Variants in C12orf42 observed in about 807,000 individuals in gnomAD.
C12orf42 encodes chromosome 12 open reading frame 42.
C12orf42 carries 25 observed loss-of-function variants against 21.6 expected under a neutral mutation model. That is an observed-to-expected ratio of 1.16 (90% CI 0.84 to 1.62). C12orf42 has a LOEUF of 1.62. C12orf42 is among the 40% of genes most tolerant of loss of function. The pLI, the probability that C12orf42 is intolerant of heterozygous loss-of-function variation, is 0.00. For missense variants in C12orf42, 483 were observed against 459.3 expected, an observed-to-expected ratio of 1.05 and a Z score of -0.47; for synonymous variants, 174 against 175.0, an observed-to-expected ratio of 0.99 and a Z score of 0.05.
intron 4 of C12orf42, among the ~76,000 whole-genome samples, chr12:103,326,283 G>C (rs912596703): frequency 1.3e-5 from 2 of 152,136 alleles, no homozygotes; most frequent in Non-Finnish European, 2.9e-5. Context: ...AACAAGATAG[G>C]CTTGTCAAAG....
At chr12:103,478,232 G>A in intron 2 of C12orf42, 117 bp downstream of exon 2, 1 of 643,356 alleles carries the variant, frequency 1.6e-6, no homozygotes, top group African/African-American at 1.9e-5. Flanking sequence ...AAACTAAGAG[G>A]ATTATCTAAA....
intron 4 of C12orf42, among the ~76,000 whole-genome samples, chr12:103,363,452 A>G (rs2044296206): frequency 6.6e-6 from 1 of 152,132 alleles, no homozygotes; most frequent in Admixed American, 6.6e-5. Flanking sequence ...ACCAAGGTAT[A>G]CAGGCAATGA....
chr12:103,232,560 A>C, the C12orf42 span, among the ~76,000 whole-genome samples: 29 of 152,160 alleles, frequency 1.9e-4, no homozygotes, highest in African/African-American at 7.0e-4. Flanking sequence ...AATACAAAAA[A>C]ATTAGCCAGG....
At chr12:103,340,928 A>G (rs1465848882) in intron 4 of C12orf42, among the ~76,000 whole-genome samples, 10 of 152,120 alleles carry the variant, frequency 6.6e-5, no homozygotes, top group Non-Finnish European at 1.2e-4. Context: ...CCTGACTAAC[A>G]TGGTGAAACC....
chr12:103,367,394 G>T (rs1438547538), intron 4 of C12orf42, among the ~76,000 whole-genome samples: 2 of 146,420 alleles, frequency 1.4e-5, no homozygotes, highest in Non-Finnish European at 3.0e-5. Flanking sequence ...CACCACTAAA[G>T]AACTTACTCA....
intron 4 of C12orf42, among the ~76,000 whole-genome samples, chr12:103,296,113 G>A (rs2037262877): frequency 1.3e-5 from 2 of 150,238 alleles, no homozygotes; most frequent in African/African-American, 2.5e-5. Flanking sequence ...AACAGGCGGT[G>A]TTTGGTTTTT....
chr12:103,399,451 C>T (rs572141879), intron 3 of C12orf42, among the ~76,000 whole-genome samples: 25 of 150,662 alleles, frequency 1.7e-4, no homozygotes, highest in Admixed American at 1.3e-3. Context: ...TCACTGCAAC[C>T]TCCACCTCCC....
At chr12:103,497,588 C>CAT (rs1955597255), upstream of C12orf42, among the ~76,000 whole-genome samples, 1 of 152,220 alleles carries the variant, frequency 6.6e-6, no homozygotes, top group African/African-American at 2.4e-5. Flanking sequence ...ACTCTGTTAC[C>CAT]ATTCCTACAG....
chr12:103,508,119 G>T, the C12orf42 span, among the ~76,000 whole-genome samples: 40 of 152,028 alleles, frequency 2.6e-4, no homozygotes, highest in African/African-American at 9.7e-4. Context: ...AGATACAGGT[G>T]GTCCCCAACT....
chr12:103,226,163 G>C, the C12orf42 span, among the ~76,000 whole-genome samples: 10 of 152,220 alleles, frequency 6.6e-5, 1 homozygote, highest in Non-Finnish European at 1.5e-4. Context: ...GGGGGAGGAG[G>C]TTCTGGAGGA....
At chr12:103,450,012 G>A (rs1207985818) in intron 2 of C12orf42, among the ~76,000 whole-genome samples, 1 of 151,686 alleles carries the variant, frequency 6.6e-6, no homozygotes, top group Admixed American at 6.6e-5. Context: ...TTTTGTAAAT[G>A]ATATCTTGTA....
chr12:103,145,225 CTA>C, the C12orf42 span, among the ~76,000 whole-genome samples: 2 of 152,186 alleles, frequency 1.3e-5, no homozygotes, highest in Admixed American at 6.5e-5. Context: ...ATTATGGCTA[CTA>C]TCTTTCCCAC....
the C12orf42 span, among the ~76,000 whole-genome samples, chr12:103,541,729 T>C: frequency 1.3e-5 from 2 of 152,282 alleles, no homozygotes; most frequent in African/African-American, 4.8e-5. Flanking sequence ...ACCATGTCTC[T>C]TGATTGTATT....
chr12:103,147,503 CTTTTTTTTTTTTTT>C, the C12orf42 span, among the ~76,000 whole-genome samples: 1 of 99,970 alleles, frequency 1.0e-5, no homozygotes, highest in Non-Finnish European at 2.0e-5. Flanking sequence ...CTTTTTTTTT[CTTTTTTTTTTTTTT>C]TTTGGTTCTT....
At chr12:103,449,374 C>T (rs1951794519) in intron 2 of C12orf42, among the ~76,000 whole-genome samples, 1 of 151,840 alleles carries the variant, frequency 6.6e-6, no homozygotes, top group Non-Finnish European at 1.5e-5. Context: ...TAAAAGACTA[C>T]ACATAGAGTA....
intron 10 of C12orf42, among the ~76,000 whole-genome samples, chr12:103,250,505 T>G (rs1478656304): frequency 6.6e-6 from 1 of 152,084 alleles, no homozygotes; most frequent in Non-Finnish European, 1.5e-5. Flanking sequence ...GCCACTGGGA[T>G]GCAAAATGTT....
At chr12:103,380,510 C>T (rs1010389325) in intron 3 of C12orf42, among the ~76,000 whole-genome samples, 16 of 152,090 alleles carry the variant, frequency 1.1e-4, no homozygotes, top group African/African-American at 3.9e-4. Flanking sequence ...ATGCTGGAAA[C>T]CCAGAGTGGG....
At chr12:103,282,341 T>C (rs2036190304) in intron 4 of C12orf42, among the ~76,000 whole-genome samples, 1 of 152,240 alleles carries the variant, frequency 6.6e-6, no homozygotes, top group Non-Finnish European at 1.5e-5. Context: ...AACAATATTT[T>C]GGTCAAAGAC....
chr12:103,065,105 T>G, the C12orf42 span, among the ~76,000 whole-genome samples: 1 of 152,074 alleles, frequency 6.6e-6, no homozygotes, highest in Non-Finnish European at 1.5e-5. Flanking sequence ...TCAAAAACAG[T>G]ATTGGATCCC....
Sources: allele counts gnomAD v4.1 joint callset (sites outside exome capture counted in the v4.1 genomes callset), GRCh38; gene constraint gnomAD v4.1.1; transcripts MANE v1.5; gene names NCBI Gene and HGNC (gene_info 2026-07-23, HGNC 2026-07-21).